MACROD2: variants seen among roughly 807,000 people sequenced by gnomAD.
MACROD2 encodes the protein ADP-ribose glycohydrolase MACROD2.
In MACROD2, 36 loss-of-function variants were observed where a neutral mutation model predicts 70.4. The observed-to-expected ratio is 0.51, with a 90% CI of 0.39 to 0.68. The LOEUF (loss-of-function observed/expected upper bound fraction) is 0.68. Among genes scored for constraint, MACROD2 ranks in the 30% least tolerant of loss-of-function variants. The pLI is 0.00. For missense variants in MACROD2, 496 were observed against 538.4 expected (o/e 0.92, Z 0.78); for synonymous variants, 172 against 178.8 (o/e 0.96, Z 0.30).
chr20:15,298,652 T>A (rs889183827), intron 6 of MACROD2, among the ~76,000 whole-genome samples: 1 of 152,242 alleles, frequency 6.6e-6, no homozygotes, highest in East Asian at 1.9e-4. Flanking sequence ...ACTTACTTTT[T>A]AAAAATTTGC....
Position 15,774,625 on chromosome 20 carries a change from G to A in MACROD2, c.646-88120G>A, listed in dbSNP as rs79349828. Among the ~76,000 whole-genome samples the A allele has an allele frequency of 1.6e-3, 244 of 152,180 alleles. 3 individuals carry two copies. The East Asian group carries it at 0.035, about 22-fold the overall frequency. Reference sequence around the variant, plus strand: ...GGTCTACCTAACTGGAGAGTGAACCGAAACTCTGAGGAGCACTGGCCAGGG... The same window carrying A: ...GGTCTACCTAACTGGAGAGTGAACCAAAACTCTGAGGAGCACTGGCCAGGG... On this transcript the variant is annotated intron_variant, in intron 8 of 17. Transcript: ENST00000684519.
intron 3 of MACROD2, among the ~76,000 whole-genome samples, chr20:14,454,410 C>A (rs2084276988): frequency 6.8e-6 from 1 of 146,362 alleles, no homozygotes; most frequent in Non-Finnish European, 1.5e-5. Flanking sequence ...ATCCTTTATT[C>A]CACATGAGTT....
chr20:14,492,346 A>AT, intron 3 of MACROD2, among the ~76,000 whole-genome samples: 1 of 152,180 alleles, frequency 6.6e-6, no homozygotes, highest in African/African-American at 2.4e-5. Context: ...TATGAGACTA[A>AT]ATTTGACACT....
chr20:14,093,386 C>T (rs1459069761), intron 3 of MACROD2, among the ~76,000 whole-genome samples: 1 of 152,032 alleles, frequency 6.6e-6, no homozygotes, highest in African/African-American at 2.4e-5. Flanking sequence ...CTTGCCTGGC[C>T]TTTGTTTTGA....
intron 3 of MACROD2, among the ~76,000 whole-genome samples, chr20:14,414,062 G>T (rs188118776): frequency 6.6e-5 from 10 of 152,210 alleles, no homozygotes; most frequent in African/African-American, 2.2e-4. Context: ...ATGTCATCTG[G>T]TGTCCTGGCT....
At chr20:15,222,520 T>C in intron 5 of MACROD2, among the ~76,000 whole-genome samples, 1 of 152,220 alleles carries the variant, frequency 6.6e-6, no homozygotes, top group Non-Finnish European at 1.5e-5. Flanking sequence ...TGCTCAGTTT[T>C]GTGGTTGTAT....
intron 5 of MACROD2, among the ~76,000 whole-genome samples, chr20:15,038,710 C>T (rs2075332841): frequency 6.6e-6 from 1 of 152,110 alleles, no homozygotes; most frequent in African/African-American, 2.4e-5. Context: ...TCAGGCCTGG[C>T]CCAACCTGGA....
chr20:14,615,385 G>T (rs562930965), intron 4 of MACROD2, among the ~76,000 whole-genome samples: 1 of 151,868 alleles, frequency 6.6e-6, no homozygotes, highest in African/African-American at 2.4e-5. Context: ...AGAGATAAAC[G>T]AACAAAAAAA....
At chr20:14,471,801 C>G (rs1466626091) in intron 3 of MACROD2, among the ~76,000 whole-genome samples, 1 of 151,998 alleles carries the variant, frequency 6.6e-6, no homozygotes, top group East Asian at 1.9e-4. Flanking sequence ...AGGGGTAAAA[C>G]ATGAAAAATC....
intron 4 of MACROD2, among the ~76,000 whole-genome samples, chr20:14,627,633 A>G (rs111329312): frequency 3.9e-5 from 6 of 152,348 alleles, no homozygotes; most frequent in African/African-American, 1.4e-4. Context: ...ACATCAAAAT[A>G]CAATTTAATT....
intron 4 of MACROD2, among the ~76,000 whole-genome samples, chr20:14,571,528 A>G (rs1286861440): frequency 6.6e-6 from 1 of 152,058 alleles, no homozygotes; most frequent in Non-Finnish European, 1.5e-5. Flanking sequence ...TTGAGTATCT[A>G]TTATGTACTG....
At position 14,879,317 on chromosome 20, in the gene MACROD2, T is replaced by C. The variant is rs534778276; in HGVS notation, c.418+194358T>C. 3.9e-5 allele frequency among the ~76,000 whole-genome samples: 6 copies of C among 152,198 alleles called. 1 individual carries two copies. The highest frequency in any genetic ancestry group is 4.1e-4 in the South Asian group (2 of 4,828). On this transcript the variant is annotated intron_variant, in intron 5 of 17. Transcript: ENST00000684519. ...TATGTCATCTGTATACCTAAATTCT[T>C]TGGGTTAATATTAAAAAAGTATTCT... is the stretch of plus-strand genomic sequence containing the variant.
intron 8 of MACROD2, among the ~76,000 whole-genome samples, chr20:15,519,980 G>A (rs905688602): frequency 1.3e-5 from 2 of 152,204 alleles, no homozygotes; most frequent in African/African-American, 2.4e-5. Context: ...AACTCCATGC[G>A]ATGCAGAGGA....
chr20:15,641,957 G>A (rs1009361263), intron 8 of MACROD2, among the ~76,000 whole-genome samples: 1 of 152,142 alleles, frequency 6.6e-6, no homozygotes, highest in Non-Finnish European at 1.5e-5. Flanking sequence ...TGTATATACT[G>A]CAAAGTCTTC....
chr20:14,614,122 G>A (rs1287979582), intron 4 of MACROD2, among the ~76,000 whole-genome samples: 2 of 152,016 alleles, frequency 1.3e-5, no homozygotes, highest in African/African-American at 4.8e-5. Flanking sequence ...TCATAAATTC[G>A]GAGCCTGAGT....
chr20:13,998,151 GT>G lies in MACROD2; in HGVS notation c.46+2346del, dbSNP rs377377058. Among the ~76,000 whole-genome samples, 56 of 152,194 alleles carry G rather than the reference GT, an allele frequency of 3.7e-4. 1 individual carries two copies. The East Asian group carries it at 9.3e-3, about 25-fold the overall frequency. The stretch of plus-strand genomic sequence containing the variant: ...AAGGTGAAGCATTCTTTAAATAAAA[GT>G]TTTATGAAATGACAAAGAAAATGCA... On this transcript the variant is annotated intron_variant, in intron 1 of 17. Transcript: ENST00000684519.
chr20:15,726,483 T>A (rs1243828263), intron 8 of MACROD2, among the ~76,000 whole-genome samples: 1 of 152,186 alleles, frequency 6.6e-6, no homozygotes, highest in African/African-American at 2.4e-5. Context: ...AATTCTGTTT[T>A]GAGTTCTTTC....
chr20:16,012,513 T>C (rs1266614996), intron 15 of MACROD2, among the ~76,000 whole-genome samples: 1 of 152,236 alleles, frequency 6.6e-6, no homozygotes, highest in Non-Finnish European at 1.5e-5. Flanking sequence ...GATGGATAAA[T>C]CCTTCTCTAC....
intron 4 of MACROD2, among the ~76,000 whole-genome samples, chr20:14,538,096 C>T (rs893998799): frequency 2.0e-5 from 3 of 152,170 alleles, no homozygotes; most frequent in Non-Finnish European, 4.4e-5. Flanking sequence ...AGAACAATCC[C>T]ATGAAGGGGA....
Sources: allele counts gnomAD v4.1 joint callset (sites outside exome capture counted in the v4.1 genomes callset), GRCh38; gene constraint gnomAD v4.1.1; transcripts MANE v1.5; gene names NCBI Gene and HGNC (gene_info 2026-07-23, HGNC 2026-07-21).